ELF4: variants seen among roughly 807,000 people sequenced by gnomAD.
The protein encoded by ELF4 is E74 like ETS transcription factor 4, also known as ETS-related transcription factor Elf-4.
ELF4 carries 10 observed loss-of-function variants against 31.7 expected under a neutral mutation model. The observed-to-expected ratio is 0.32, with a 90% CI of 0.19 to 0.54. The LOEUF is 0.54. ELF4 is among the 20% of genes least tolerant of loss of function. ELF4 has a pLI of 0.95. For synonymous variants in ELF4, 208 were observed against 226.7 expected (o/e 0.92, Z 0.74); for missense variants, 418 against 522.0 (o/e 0.80, Z 1.94).
At position 130,071,093 on chromosome X, in the gene ELF4, C is replaced by T. The variant is rs758200607; in HGVS notation, c.756G>A (p.Gly252=). 5.0e-6 allele frequency: 6 copies of T among 1,211,908 alleles called. No individual in the cohort carries two copies. In the Admixed American group the frequency reaches 8.7e-5, roughly 18 times the overall value. Residue 252 remains glycine, a synonymous_variant, in exon 7 of 9, where the codon GGG becomes GGA. Transcript: ENST00000308167. The part of the protein sequence containing the change: ...VDSKAVSKLW[G]KQKNKPDMNY... Reference sequence around the variant, plus strand: ...TCATGTCAGGCTTGTTTTTCTGCTTCCCCCACAGCTTGGACACAGCTTTGG... The same window carrying T: ...TCATGTCAGGCTTGTTTTTCTGCTTTCCCCACAGCTTGGACACAGCTTTGG...
intron 7 of ELF4, among the ~76,000 whole-genome samples, chrX:130,070,628 TGAGC>T (rs1357272275): frequency 9.9e-6 from 1 of 100,898 alleles, no homozygotes; most frequent in Non-Finnish European, 2.0e-5. Context: ...AAAAATTAGC[TGAGC>T]GTGGTGGCAT....
At chrX:130,078,645 T>C (rs749556106) in intron 2 of ELF4, among the ~76,000 whole-genome samples, 1 of 110,395 alleles carries the variant, frequency 9.1e-6, no homozygotes, top group African/African-American at 3.3e-5. Context: ...TAATCCCAGC[T>C]ACTTGGGAGG....
At chrX:130,069,267 T>A (rs1932755202) in intron 8 of ELF4, 33 bp downstream of exon 8, 1 of 1,204,254 alleles carries the variant, frequency 8.3e-7, no homozygotes, top group Admixed American at 2.2e-5. Context: ...TGATGTACTA[T>A]GTGAAGACTC....
rs1273951678 is a variant in ELF4 at position 130,102,878 on chromosome X, GAGAGAGAGAAAGAA to G, written c.-210+7433_-210+7446del. ...TGAGAGAGAGAGAGAGAGAGAGAGA[GAGAGAGAGAAAGAA>G]AGAAAGAAAGAAAGAAAGAAAGAAA... On this transcript the variant is annotated intron_variant, in intron 1 of 8. Coordinates refer to ENST00000308167, the MANE Select transcript of ELF4 (RefSeq NM_001421.4). Among the ~76,000 whole-genome samples the G allele has an allele frequency of 4.8e-3, 228 of 47,704 alleles. 1 individual carries two copies. The highest frequency in any genetic ancestry group is 0.018 in the African/African-American group (202 of 11,173). The allele number at this position is 47,704 out of a possible 115,157, so 41.4% of individuals were successfully genotyped here.
intron 4 of ELF4, 112 bp downstream of exon 4, chrX:130,073,937 G>A (rs1932810395): frequency 2.7e-6 from 2 of 749,279 alleles, no homozygotes; most frequent in Middle Eastern, 2.9e-4. Flanking sequence ...CGGTGGGTGT[G>A]GTGCATGTAT....
At chrX:130,072,080 G>A (rs998120566) in intron 5 of ELF4, 146 bp downstream of exon 5, 2 of 658,585 alleles carry the variant, frequency 3.0e-6, no homozygotes, top group Non-Finnish European at 4.7e-6. Context: ...AACGGATGAG[G>A]CCAGGTTTTA....
At chrX:130,104,806 T>G (rs1484779567) in intron 1 of ELF4, among the ~76,000 whole-genome samples, 1 of 110,453 alleles carries the variant, frequency 9.1e-6, no homozygotes, top group Non-Finnish European at 1.9e-5. Flanking sequence ...TTCAGGAGAG[T>G]CAGGTGTTCT....
chrX:130,066,955 C>T lies in ELF4; in HGVS notation c.1758G>A (p.Arg586=). Residue 586 remains arginine (R), a synonymous_variant, in exon 9 of 9, where the codon AGG becomes AGA. Transcript: ENST00000308167. ...LQPLPTQVVS[R]GSHNPSLLGN... ...CCAGAAGGCTCGGATTGTGGGAACC[C>T]CTGGAAACCACCTGGGTTGGAAGTG... 8.3e-7 allele frequency: 1 copy of T among 1,212,088 alleles called. No individual in the cohort carries two copies. The highest frequency in any genetic ancestry group is 1.1e-6 in the Non-Finnish European group (1 of 895,568).
intron 2 of ELF4, among the ~76,000 whole-genome samples, chrX:130,078,762 T>TACACACACACACACACAC (rs530565075): frequency 8.2e-5 from 7 of 84,886 alleles, no homozygotes; most frequent in South Asian, 6.8e-4. Context: ...TCTCTCTCTC[T>TACACACACACACACACAC]ACACACACAC....
intron 2 of ELF4, among the ~76,000 whole-genome samples, chrX:130,075,309 C>T (rs1259347352): frequency 3.0e-5 from 3 of 99,650 alleles, no homozygotes; most frequent in Non-Finnish European, 6.0e-5. Context: ...CGGAGTCTCA[C>T]TCTGTCGCCC....
At chrX:130,070,520 A>C (rs1048839531) in intron 7 of ELF4, among the ~76,000 whole-genome samples, 3 of 109,519 alleles carry the variant, frequency 2.7e-5, no homozygotes, top group African/African-American at 1.0e-4. Context: ...GCTTGCAGTG[A>C]GCCGAGATCG....
intron 1 of ELF4, among the ~76,000 whole-genome samples, chrX:130,102,922 G>GAAAGAA (rs1193173312): frequency 1.2e-4 from 11 of 95,019 alleles, no homozygotes; most frequent in African/African-American, 4.7e-4. Context: ...AAGAAAGAAA[G>GAAAGAA]AGAGAGAAGG....
Position 130,083,136 on chromosome X carries a change from A to C in ELF4, c.-209-1597T>G, listed in dbSNP as rs5977206. Among the ~76,000 whole-genome samples the C allele has an allele frequency of 8.9e-3, 699 of 78,217 alleles. 10 individuals are homozygous for C. Among genetic ancestry groups the C allele is most frequent in the African/African-American group, 0.033 (660 of 20,051 alleles). The allele number at this position is 78,217 out of a possible 115,157, so 67.9% of individuals were successfully genotyped here. A position where few individuals can be genotyped will look rare whatever the true frequency, so the allele number is the denominator to read the frequency against. On this transcript the variant is annotated intron_variant, in intron 1 of 8. Transcript: ENST00000308167. ...CCCACACCTTTCCACCCACCCCAAC[A>C]AAAAGTCGGGAGAAGTCGCTCAACT...
intron 2 of ELF4, among the ~76,000 whole-genome samples, chrX:130,077,854 C>G (rs2124619439): frequency 8.9e-6 from 1 of 111,889 alleles, no homozygotes; most frequent in African/African-American, 3.2e-5. Flanking sequence ...TCAGAGGTTT[C>G]TAGGAGACTG....
At chrX:130,103,784 A>AG (rs1370957587) in intron 1 of ELF4, among the ~76,000 whole-genome samples, 1 of 112,208 alleles carries the variant, frequency 8.9e-6, no homozygotes, top group Non-Finnish European at 1.9e-5. Flanking sequence ...TGCTTTACTC[A>AG]GGGGTGGTCC....
intron 2 of ELF4, among the ~76,000 whole-genome samples, chrX:130,075,721 C>A (rs960471961): frequency 8.9e-6 from 1 of 111,770 alleles, no homozygotes; most frequent in Non-Finnish European, 1.9e-5. Flanking sequence ...AGTCGGGGGA[C>A]AAGAGGGATT....
chrX:130,094,196 C>A (rs1232502771), intron 1 of ELF4, among the ~76,000 whole-genome samples: 1 of 111,290 alleles, frequency 9.0e-6, no homozygotes, highest in Admixed American at 9.6e-5. Flanking sequence ...CCAGCCTGGT[C>A]AATATGGTGA....
chrX:130,072,245 A>G lies in ELF4; in HGVS notation c.513T>C (p.Thr171=), dbSNP rs759861272. 4 of 1,208,075 alleles carry G rather than the reference A, an allele frequency of 3.3e-6. No individual in the cohort carries two copies. In the South Asian group the frequency reaches 7.0e-5, roughly 21 times the overall value. The part of the protein sequence containing the change: ...KASREESAKK[T]GKSKKRIRKT... ...ACTTACTTCTCTTCTTTGATTTCCC[A>G]GTCTTCTTGGCACTTTCCTCTCTGG... Residue 171 remains threonine, a synonymous_variant, in exon 5 of 9, where the codon ACT becomes ACC. Coordinates refer to ENST00000308167, the MANE Select transcript of ELF4 (RefSeq NM_001421.4).
At chrX:130,100,492 C>A (rs1054836101) in intron 1 of ELF4, among the ~76,000 whole-genome samples, 3 of 111,858 alleles carry the variant, frequency 2.7e-5, no homozygotes, top group Admixed American at 9.5e-5. Flanking sequence ...TCCTCATGGT[C>A]CCCTGAGGGA....
Sources: gnomAD v4.1 joint callset for allele counts (sites outside exome capture counted in the v4.1 genomes callset) on GRCh38, gnomAD v4.1.1 for gene constraint, MANE v1.5 for transcripts, NCBI Gene and HGNC (gene_info 2026-07-23, HGNC 2026-07-21) for gene names.